The following MSN variants were observed in gnomAD, a reference collection of about 807,000 sequenced individuals.
The protein encoded by MSN is epididymis luminal protein 70.
Under a neutral mutation model 48.0 loss-of-function variants are expected in MSN, and 2 were observed. The ratio of observed to expected loss-of-function variants is 0.04; its 90% confidence interval spans 0.02 to 0.13. The LOEUF (loss-of-function observed/expected upper bound fraction) is 0.13, where lower values mean the gene tolerates loss of function less well. Ranked by LOEUF, MSN falls within the 10% of genes least tolerant of loss-of-function variation. The pLI is 1.00. For synonymous variants in MSN, 146 were observed against 166.9 expected, an observed-to-expected ratio of 0.87 and a Z score of 0.97; for missense variants, 267 against 470.1, an observed-to-expected ratio of 0.57 and a Z score of 3.99.
chrX:65,633,886 CAGA>C (rs2148366596), intron 1 of MSN, among the ~76,000 whole-genome samples: 1 of 112,117 alleles, frequency 8.9e-6, no homozygotes, highest in East Asian at 2.8e-4. Context: ...GGCTGTGTTT[CAGA>C]AGAATGGTCA....
chrX:65,681,029 G>A (rs1167870594), intron 1 of MSN, among the ~76,000 whole-genome samples: 1 of 111,191 alleles, frequency 9.0e-6, no homozygotes, highest in Non-Finnish European at 1.9e-5. Context: ...GGGATTACAG[G>A]TATGAGCCAC....
chrX:65,639,083 G>T (rs1189493819), intron 1 of MSN, among the ~76,000 whole-genome samples: 1 of 112,440 alleles, frequency 8.9e-6, no homozygotes, highest in African/African-American at 3.2e-5. Context: ...AATAGGGCAG[G>T]TATTATAAGC....
At position 65,696,505 on chromosome X, in the gene MSN, G is replaced by C. The variant is rs375068331; in HGVS notation, c.13-20313G>C. On this transcript the variant is annotated intron_variant, in intron 1 of 12. Coordinates refer to ENST00000360270, the MANE Select transcript of MSN (RefSeq NM_002444.3). The stretch of plus-strand genomic sequence containing the variant: ...GAGGCTTCTGGGTAATTTCCATAGA[G>C]ATTCTGGTTGGCCTCTTTACTGTTG... 7.2e-5 allele frequency among the ~76,000 whole-genome samples: 8 copies of C among 111,286 alleles called. No individual in the cohort carries two copies. The East Asian group carries it at 8.4e-4, about 12-fold the overall frequency.
At chrX:65,589,415 C>G (rs945926188) in intron 1 of MSN, among the ~76,000 whole-genome samples, 3 of 112,056 alleles carry the variant, frequency 2.7e-5, no homozygotes, top group African/African-American at 9.8e-5. Flanking sequence ...CTCCTGGAAT[C>G]GCTGGGCCCA....
chrX:65,722,442 T>TGTGTGTGTGTG, intron 2 of MSN, among the ~76,000 whole-genome samples: 2 of 108,746 alleles, frequency 1.8e-5, no homozygotes, highest in African/African-American at 6.7e-5. Flanking sequence ...TGTGTGTGTG[T>TGTGTGTGTGTG]TTGGAGACAA....
intron 6 of MSN, among the ~76,000 whole-genome samples, chrX:65,732,565 C>T (rs1052364768): frequency 8.9e-5 from 10 of 111,743 alleles, no homozygotes; most frequent in African/African-American, 2.3e-4. Context: ...AATCCTCTCA[C>T]TGTAGCCTTA....
intron 1 of MSN, among the ~76,000 whole-genome samples, chrX:65,618,606 C>T (rs2070400122): frequency 9.0e-6 from 1 of 111,490 alleles, no homozygotes; most frequent in Middle Eastern, 4.6e-3. Context: ...TGTGTCTCTG[C>T]ATGTGAGATG....
At chrX:65,714,714 C>A (rs1159186807) in intron 1 of MSN, among the ~76,000 whole-genome samples, 2 of 110,923 alleles carry the variant, frequency 1.8e-5, no homozygotes. Flanking sequence ...GGATATTAGA[C>A]CTTTGTAAGT....
intron 6 of MSN, among the ~76,000 whole-genome samples, chrX:65,732,286 G>A (rs1385374484): frequency 8.9e-6 from 1 of 112,085 alleles, no homozygotes; most frequent in African/African-American, 3.2e-5. Flanking sequence ...TGAAGACTTA[G>A]TGTGAAAAAC....
Position 65,740,948 on chromosome X carries a change from A to T in MSN, c.*1055A>T. On this transcript the variant is annotated 3_prime_UTR_variant, in exon 13 of 13. Coordinates refer to ENST00000360270, the MANE Select transcript of MSN (RefSeq NM_002444.3). The stretch of plus-strand genomic sequence containing the variant: ...GCTCCACAGCCATCCCAGCCTTGGC[A>T]TCTAGAGCTTGATGCCAGTAGGCTC... 1 of 169,699 alleles carries T rather than the reference A, an allele frequency of 5.9e-6. No homozygotes were observed. The allele number at this position is 169,699 out of a possible 1,213,427, so 14.0% of individuals were successfully genotyped here. A position where few individuals can be genotyped will look rare whatever the true frequency, so the allele number is the denominator to read the frequency against.
chrX:65,703,203 T>C (rs755613536), intron 1 of MSN, among the ~76,000 whole-genome samples: 158 of 111,663 alleles, frequency 1.4e-3, no homozygotes, highest in Non-Finnish European at 2.4e-3. Context: ...CATCACATTC[T>C]ACTTATGATG....
intron 1 of MSN, among the ~76,000 whole-genome samples, chrX:65,653,749 A>T (rs761208183): frequency 4.5e-5 from 5 of 110,395 alleles, no homozygotes; most frequent in Non-Finnish European, 7.6e-5. Context: ...ACATACACAT[A>T]GCTATGACCA....
At chrX:65,614,921 T>C (rs1226700332) in intron 1 of MSN, among the ~76,000 whole-genome samples, 1 of 85,401 alleles carries the variant, frequency 1.2e-5, no homozygotes, top group Non-Finnish European at 2.2e-5. Context: ...GATCTCATTG[T>C]TCAATTCCCA....
chrX:65,672,062 A>G (rs1314965604), intron 1 of MSN, among the ~76,000 whole-genome samples: 1 of 112,094 alleles, frequency 8.9e-6, no homozygotes, highest in Admixed American at 9.5e-5. Flanking sequence ...ATGAGATAAT[A>G]TGACAGCTAC....
Position 65,606,362 on chromosome X carries a change from C to T in MSN, c.-22+17750C>T, listed in dbSNP as rs535683747. Reference sequence around the variant, plus strand: ...CAGGCAGGTCTTGATCTCCTGACCTCGTGATCCACCCGCTTCAGCCTCCCA... The same window carrying T: ...CAGGCAGGTCTTGATCTCCTGACCTTGTGATCCACCCGCTTCAGCCTCCCA... On this transcript the variant is annotated intron_variant, in intron 1 of 3. Coordinates refer to the MSN transcript ENST00000609672. Among the ~76,000 whole-genome samples the T allele has an allele frequency of 3.9e-4, 43 of 109,083 alleles. 1 individual carries two copies. In the South Asian group the frequency reaches 0.016, roughly 42 times the overall value. 94.7% of individuals were successfully genotyped at this position (109,083 alleles called of 115,157 possible). A position where few individuals can be genotyped will look rare whatever the true frequency, so the allele number is the denominator to read the frequency against.
At chrX:65,622,189 G>T (rs756420039) in intron 1 of MSN, among the ~76,000 whole-genome samples, 5 of 106,964 alleles carry the variant, frequency 4.7e-5, no homozygotes, top group Admixed American at 2.0e-4. Flanking sequence ...CTGCCTCCTG[G>T]GTTCAAACAA....
intron 1 of MSN, among the ~76,000 whole-genome samples, chrX:65,693,326 TC>T (rs746295305): frequency 2.7e-5 from 3 of 112,432 alleles, no homozygotes; most frequent in African/African-American, 6.5e-5. Context: ...TCTGCACTGA[TC>T]TTAGTTATTT....
At chrX:65,616,176 T>C (rs2070369884) in intron 1 of MSN, among the ~76,000 whole-genome samples, 3 of 111,413 alleles carry the variant, frequency 2.7e-5, no homozygotes, top group East Asian at 5.6e-4. Flanking sequence ...TTAGGATTGC[T>C]TTGGTGATGT....
At chrX:65,695,355 C>T (rs748698082) in intron 1 of MSN, among the ~76,000 whole-genome samples, 4 of 109,302 alleles carry the variant, frequency 3.7e-5, no homozygotes, top group African/African-American at 1.0e-4. Flanking sequence ...ACAAAATTAG[C>T]CATGCGTGGT....
Sources: gnomAD v4.1 joint callset for allele counts (sites outside exome capture counted in the v4.1 genomes callset) on GRCh38, gnomAD v4.1.1 for gene constraint, MANE v1.5 for transcripts, NCBI Gene and HGNC (gene_info 2026-07-23, HGNC 2026-07-21) for gene names.